The following SLC22A2 variants were observed in gnomAD, a reference collection of about 807,000 sequenced individuals.
SLC22A2 encodes solute carrier family 22 member 2, also known as organic cation transporter 2.
Under a neutral mutation model 60.5 loss-of-function variants are expected in SLC22A2, and 46 were observed. That is an observed-to-expected ratio of 0.76 (90% confidence interval 0.60 to 0.97). The LOEUF (loss-of-function observed/expected upper bound fraction) is 0.97, where lower values mean the gene tolerates loss of function less well. Ranked by LOEUF, SLC22A2 falls within the 50% of genes least tolerant of loss-of-function variation. The probability of loss-of-function intolerance (pLI) is 0.00; values close to 1 mark genes in which losing one functional copy is unlikely to be tolerated. For synonymous variants in SLC22A2, 303 were observed against 267.0 expected (o/e 1.13, Z -1.31); for missense variants, 701 against 706.6 (o/e 0.99, Z 0.09).
intron 9 of SLC22A2, among the ~76,000 whole-genome samples, chr6:160,238,404 G>A (rs1227402614): frequency 1.3e-5 from 2 of 152,176 alleles, no homozygotes; most frequent in Non-Finnish European, 2.9e-5. Flanking sequence ...CATTCAGCTG[G>A]CATCTGAATC....
intron 1 of SLC22A2, among the ~76,000 whole-genome samples, chr6:160,257,598 T>G (rs1251827032): frequency 6.6e-6 from 1 of 152,156 alleles, no homozygotes; most frequent in Non-Finnish European, 1.5e-5. Context: ...CAAATTAGAC[T>G]CTACCTACCC....
intron 4 of SLC22A2, among the ~76,000 whole-genome samples, chr6:160,247,643 A>T (rs1335427248): frequency 6.6e-6 from 1 of 152,120 alleles, no homozygotes; most frequent in Admixed American, 6.6e-5. Flanking sequence ...TATGCAAACC[A>T]TTGTGGGGGT....
At chr6:160,250,960 C>T (rs930959970) in intron 2 of SLC22A2, among the ~76,000 whole-genome samples, 1 of 152,124 alleles carries the variant, frequency 6.6e-6, no homozygotes, top group African/African-American at 2.4e-5. Flanking sequence ...TTTCTCAGTC[C>T]CACACTGTGG....
intron 2 of SLC22A2, among the ~76,000 whole-genome samples, 161 bp downstream of exon 2, chr6:160,256,453 C>A (rs916461629): frequency 4.6e-5 from 7 of 152,158 alleles, no homozygotes; most frequent in African/African-American, 1.7e-4. Flanking sequence ...GTTATCCAAG[C>A]AGCAGAAGAA....
At chr6:160,243,491 A>T (rs1446198484) in intron 7 of SLC22A2, 81 bp downstream of exon 7, 1 of 1,046,756 alleles carries the variant, frequency 9.6e-7, no homozygotes. Flanking sequence ...GACAAATTAC[A>T]TGGTTTTCCT....
chr6:160,258,479 C>A lies in SLC22A2; in HGVS notation c.279G>T (p.Glu93Asp), dbSNP rs1014024980. Reference sequence around the variant, plus strand: ...CGAAGGTGCTCTGGTTCCAGTCCACCTCGTAGCGCCTACACTGTCTTGGGG... The same window carrying A: ...CGAAGGTGCTCTGGTTCCAGTCCACATCGTAGCGCCTACACTGTCTTGGGG... The part of the protein sequence containing the change: ...EASPRQCRRY[E>D]VDWNQSTFDC... Residue 93 changes from glutamate (E) to aspartate (D), a missense_variant, in exon 1 of 11, where the codon GAG becomes GAT. By Grantham distance (45) the Glu-to-Asp change is conservative. Transcript: ENST00000366953. 1.2e-6 allele frequency: 2 copies of A among 1,614,050 alleles called. No homozygotes were observed. Among genetic ancestry groups the A allele is most frequent in the African/African-American group, 1.3e-5 (1 of 74,948 alleles).
At chr6:160,243,860 A>T (rs186620087) in intron 6 of SLC22A2, 74 bp from the exon 7 acceptor site, 1 of 1,022,250 alleles carries the variant, frequency 9.8e-7, no homozygotes, top group African/African-American at 1.6e-5. Context: ...CTTCTGGAAA[A>T]ATAATGTGGA....
At chr6:160,255,229 A>G (rs1275941102) in intron 2 of SLC22A2, among the ~76,000 whole-genome samples, 1 of 152,216 alleles carries the variant, frequency 6.6e-6, no homozygotes, top group Non-Finnish European at 1.5e-5. Context: ...CTGAGGAGAC[A>G]ATTAATAACC....
chr6:160,246,337 G>A (rs1036282881), intron 5 of SLC22A2, among the ~76,000 whole-genome samples: 3 of 152,086 alleles, frequency 2.0e-5, no homozygotes, highest in South Asian at 2.1e-4. Flanking sequence ...TTTTCTACCC[G>A]CTGTGGAATG....
chr6:160,242,775 A>G (rs1007186801), intron 7 of SLC22A2, among the ~76,000 whole-genome samples: 1 of 151,958 alleles, frequency 6.6e-6, no homozygotes, highest in Non-Finnish European at 1.5e-5. Flanking sequence ...ATGAACCTTC[A>G]GTGGCAACGA....
intron 2 of SLC22A2, among the ~76,000 whole-genome samples, chr6:160,251,402 A>G (rs1324411202): frequency 6.6e-6 from 1 of 152,206 alleles, no homozygotes; most frequent in South Asian, 2.1e-4. Flanking sequence ...TGGGCAACCT[A>G]TTCAACCATA....
chr6:160,217,288 C>T lies in SLC22A2; in HGVS notation c.*144G>A, dbSNP rs1291428056. On this transcript the variant is annotated 3_prime_UTR_variant, in exon 11 of 11. Transcript: ENST00000366953. ...GTATTTTTCCACAGTGTACAATAGACTCCACTGGCTGTAGACCTAGGTTGA... is the reference window on the plus strand; with the variant it reads ...GTATTTTTCCACAGTGTACAATAGATTCCACTGGCTGTAGACCTAGGTTGA... 5.3e-6 allele frequency: 3 copies of T among 561,120 alleles called. No individual in the cohort carries two copies. Among genetic ancestry groups the T allele is most frequent in the East Asian group, 2.9e-5 (1 of 34,676 alleles). 34.8% of individuals were successfully genotyped at this position (561,120 alleles called of 1,614,324 possible).
intron 9 of SLC22A2, among the ~76,000 whole-genome samples, chr6:160,233,012 C>T (rs562632887): frequency 1.4e-5 from 1 of 72,472 alleles, no homozygotes; most frequent in Admixed American, 2.0e-4. Flanking sequence ...ATTTCCTTTC[C>T]ATCGTGGAAA....
chr6:160,242,428 T>C (rs749866500), intron 7 of SLC22A2, 26 bp from the exon 8 acceptor site: 12 of 1,214,846 alleles, frequency 9.9e-6, no homozygotes, highest in Non-Finnish European at 1.5e-5. Context: ...ACAGTACTTA[T>C]CCGTACACAG....
intron 7 of SLC22A2, among the ~76,000 whole-genome samples, chr6:160,243,367 C>T (rs1470640764): frequency 6.6e-6 from 1 of 151,930 alleles, no homozygotes; most frequent in East Asian, 1.9e-4. Context: ...CTTGTTACAT[C>T]ACATCAAGGA....
chr6:160,226,779 C>T (rs1450725459), intron 9 of SLC22A2, among the ~76,000 whole-genome samples: 1 of 152,098 alleles, frequency 6.6e-6, no homozygotes, highest in African/African-American at 2.4e-5. Flanking sequence ...CGGAGATCCC[C>T]AACTGATTGA....
At chr6:160,241,054 A>AG (rs1258053318) in intron 9 of SLC22A2, among the ~76,000 whole-genome samples, 1 of 33,832 alleles carries the variant, frequency 3.0e-5, no homozygotes, top group Non-Finnish European at 7.6e-5. Context: ...AAGAAGTAAA[A>AG]GGGCTTGTGT....
intron 9 of SLC22A2, among the ~76,000 whole-genome samples, chr6:160,225,952 C>T (rs968294522): frequency 3.9e-5 from 6 of 152,096 alleles, no homozygotes; most frequent in Admixed American, 1.3e-4. Flanking sequence ...ATGACCACAG[C>T]GAAAGGAGAC....
chr6:160,256,857 T>C, intron 1 of SLC22A2, 140 bp from the exon 2 acceptor site: 1 of 611,022 alleles, frequency 1.6e-6, no homozygotes, highest in South Asian at 2.0e-5. Context: ...CAATAAGCCA[T>C]TGTTTCTTGA....
Sources: allele counts gnomAD v4.1 joint callset (sites outside exome capture counted in the v4.1 genomes callset), GRCh38; gene constraint gnomAD v4.1.1; transcripts MANE v1.5; gene names NCBI Gene and HGNC (gene_info 2026-07-23, HGNC 2026-07-21).